Variants in KIT observed in about 807,000 individuals in gnomAD.
KIT encodes mast/stem cell growth factor receptor Kit.
A neutral mutation model predicts 105.7 loss-of-function variants in KIT; 16 were observed. That is an observed-to-expected ratio of 0.15 (90% CI 0.10 to 0.23). KIT has a LOEUF of 0.23. Ranked by LOEUF, KIT falls within the 10% of genes least tolerant of loss-of-function variation. The pLI, the probability that KIT is intolerant of heterozygous loss-of-function variation, is 1.00. For missense variants in KIT, 858 were observed against 1,213.8 expected (o/e 0.71, Z 4.36); for synonymous variants, 438 against 441.1 (o/e 0.99, Z 0.09).
At chr4:54,686,463 A>G (rs568186858) in intron 1 of KIT, among the ~76,000 whole-genome samples, 1 of 152,332 alleles carries the variant, frequency 6.6e-6, no homozygotes, top group East Asian at 1.9e-4. Flanking sequence ...TCAGGCCTGG[A>G]CATGGGAATA....
intron 7 of KIT, among the ~76,000 whole-genome samples, chr4:54,715,067 A>G (rs1004411090): frequency 2.0e-5 from 3 of 152,238 alleles, no homozygotes; most frequent in Admixed American, 6.5e-5. Context: ...AAATCACTGC[A>G]TCATATAATT....
rs2109811068 is a variant in KIT, at chr4:54,736,525, C to T, written c.2512C>T (p.Pro838Ser). 6.2e-7 allele frequency: 1 copy of T among 1,613,962 alleles called. No individual in the cohort carries two copies. Among genetic ancestry groups the T allele is most frequent in the Non-Finnish European group, 8.5e-7 (1 of 1,179,870 alleles). Residue 838 changes from proline to serine, a missense_variant, in exon 18 of 21, where the codon CCT (proline) becomes TCT (serine). Pro to Ser is a moderately conservative substitution (Grantham distance 74). This residue lies in a region of KIT where 63 missense variants were observed against 137.4 expected (regional missense o/e 0.46). Coordinates refer to ENST00000288135, the MANE Select transcript of KIT (RefSeq NM_000222.3). ...NARLPVKWMA[P>S]ESIFNCVYTF... ...TCGACTACCTGTGAAGTGGATGGCA[C>T]CTGAAAGCATTTTCAACTGTGTATA...
Position 54,699,738 on chromosome 4 carries a change from A to T in KIT, c.728A>T (p.Tyr243Phe), listed in dbSNP as rs1577958787. ...ATAAAAGATGTGTCTAGTTCTGTGT[A>T]CTCAACGTGGAAAAGAGAAAACAGT... ...CTIKDVSSSV[Y>F]STWKRENSQT... is the part of the protein sequence containing the mutation. Residue 243 changes from tyrosine (Y) to phenylalanine (F), a missense_variant, in exon 4 of 21, where the codon TAC becomes TTC. Physicochemically the swap from Tyr to Phe is conservative, Grantham distance 22. This residue lies in a region of KIT where 401 missense variants were observed against 601.0 expected (regional missense o/e 0.67). Coordinates refer to ENST00000288135, the MANE Select transcript of KIT (RefSeq NM_000222.3). The T allele has an allele frequency of 1.2e-6, 2 of 1,613,924 alleles. No homozygotes were observed. Among genetic ancestry groups the T allele is most frequent in the Non-Finnish European group, 1.7e-6 (2 of 1,179,872 alleles).
In KIT at chr4:54,737,226, A is replaced by G. The variant is rs1461649004; in HGVS notation, c.2748A>G (p.Thr916=). ...CWDADPLKRP[T]FKQIVQLIEK... ...ATGCAGATCCCCTAAAAAGACCAAC[A>G]TTCAAGCAAATTGTTCAGCTAATTG... Residue 916 remains threonine (T), a synonymous_variant, in exon 20 of 21, where the codon ACA becomes ACG. Transcript: ENST00000288135. 5 of 1,614,028 alleles carry G rather than the reference A, an allele frequency of 3.1e-6. No homozygotes were observed. Among genetic ancestry groups the G allele is most frequent in the East Asian group, 2.2e-5 (1 of 44,870 alleles).
In KIT at chr4:54,657,999, C is replaced by T. The variant is rs1577898391; in HGVS notation, c.-16C>T. On this transcript the variant is annotated 5_prime_UTR_variant, in exon 1 of 21. Coordinates refer to ENST00000288135, the MANE Select transcript of KIT (RefSeq NM_000222.3). ...GGAACGTGGACCAGAGCTCGGATCCCATCGCAGCTACCGCGATGAGAGGCG... is the reference window on the plus strand; with the variant it reads ...GGAACGTGGACCAGAGCTCGGATCCTATCGCAGCTACCGCGATGAGAGGCG... The T allele has an allele frequency of 6.2e-7, 1 of 1,613,048 alleles. No homozygotes were observed. Among genetic ancestry groups the T allele is most frequent in the Non-Finnish European group, 8.5e-7 (1 of 1,179,218 alleles).
intron 1 of KIT, among the ~76,000 whole-genome samples, chr4:54,667,828 T>C (rs1717813806): frequency 6.6e-6 from 1 of 152,218 alleles, no homozygotes; most frequent in Non-Finnish European, 1.5e-5. Flanking sequence ...CACTTTTGCA[T>C]GTATTACCTG....
At position 54,678,292 on chromosome 4, in the gene KIT, CCTTCCTTCCTT is replaced by C. The variant is rs1259510172; in HGVS notation, c.68-17218_68-17208del. Among the ~76,000 whole-genome samples the C allele has an allele frequency of 2.3e-4, 6 of 26,086 alleles. No homozygotes were observed. The East Asian group carries it at 5.2e-3, about 23-fold the overall frequency. The allele number at this position is 26,086 out of a possible 152,430, so 17.1% of individuals were successfully genotyped here. A position where few individuals can be genotyped will look rare whatever the true frequency, so the allele number is the denominator to read the frequency against. On this transcript the variant is annotated intron_variant, in intron 1 of 20. Transcript: ENST00000288135. ...CAATGCATTCCATGGCTGGCTCGCTCCTTCCTTCCTTCCTTCCTTCCTTCCTTCCTTCCTTC... is the reference window on the plus strand; with the variant it reads ...CAATGCATTCCATGGCTGGCTCGCTCCCTTCCTTCCTTCCTTCCTTCCTTC...
At chr4:54,691,332 A>G (rs1191812478) in intron 1 of KIT, among the ~76,000 whole-genome samples, 3 of 152,192 alleles carry the variant, frequency 2.0e-5, no homozygotes, top group African/African-American at 7.2e-5. Context: ...GACACAGTTG[A>G]ACATCAGTAC....
At chr4:54,725,139 C>G (rs940536342) in intron 8 of KIT, among the ~76,000 whole-genome samples, 1 of 152,134 alleles carries the variant, frequency 6.6e-6, no homozygotes, top group Non-Finnish European at 1.5e-5. Flanking sequence ...GAGTCTCACT[C>G]TCTTGCCCAG....
chr4:54,692,815 A>G (rs1719805320), intron 1 of KIT, among the ~76,000 whole-genome samples: 1 of 152,138 alleles, frequency 6.6e-6, no homozygotes, highest in African/African-American at 2.4e-5. Context: ...GTTGCTGCCT[A>G]ATAATATTTA....
In KIT at chr4:54,695,069, A is replaced by G. The variant is rs184134286; in HGVS notation, c.68-443A>G. 3.2e-4 allele frequency among the ~76,000 whole-genome samples: 49 copies of G among 152,358 alleles called. 1 individual carries two copies. Among genetic ancestry groups the G allele is most frequent in the Admixed American group, 2.9e-3 (44 of 15,314 alleles). ...ATTCACACAGTTTTAAGGAAAAGCT[A>G]TTCTATGTCATGGTCATGTATATTC... On this transcript the variant is annotated intron_variant, in intron 1 of 20. Transcript: ENST00000288135.
At chr4:54,678,093 A>G (rs942997893) in intron 1 of KIT, among the ~76,000 whole-genome samples, 1 of 152,226 alleles carries the variant, frequency 6.6e-6, no homozygotes, top group Non-Finnish European at 1.5e-5. Context: ...GAATGTAATA[A>G]AACACAGTAA....
In KIT at chr4:54,727,813, C is replaced by A. The variant is rs1577995739; in HGVS notation, c.1775-10C>A. 1 of 1,609,568 alleles carries A rather than the reference C, an allele frequency of 6.2e-7. No individual in the cohort carries two copies. ...CATCACCACTTACCTTGTTGTCTTC[C>A]TTCCTACAGGGAAAACCCTGGGTGC... On this transcript the variant is annotated splice_polypyrimidine_tract_variant and intron_variant, in intron 11 of 20. Coordinates refer to ENST00000288135, the MANE Select transcript of KIT (RefSeq NM_000222.3).
At chr4:54,725,082 T>G (rs992366261) in intron 8 of KIT, among the ~76,000 whole-genome samples, 1 of 152,118 alleles carries the variant, frequency 6.6e-6, no homozygotes, top group South Asian at 2.1e-4. Context: ...TTTGACTATT[T>G]TCTGGTCTAC....
chr4:54,676,325 G>C (rs1011616047), intron 1 of KIT, among the ~76,000 whole-genome samples: 1 of 152,164 alleles, frequency 6.6e-6, no homozygotes, highest in Non-Finnish European at 1.5e-5. Context: ...TCTGCTGCAG[G>C]CGAAAGTTTG....
At position 54,692,003 on chromosome 4, in the gene KIT, A is replaced by G. The variant is rs545106285; in HGVS notation, c.68-3509A>G. On this transcript the variant is annotated intron_variant, in intron 1 of 20. Transcript: ENST00000288135. ...ATTTGGAAGGCCAATAAGAAGTTCC[A>G]TTTCTGGAATAAGTGTGCCTAACAT... is the stretch of plus-strand genomic sequence containing the variant. Among the ~76,000 whole-genome samples the G allele has an allele frequency of 7.2e-5, 11 of 152,314 alleles. No homozygotes were observed. The South Asian group carries it at 2.3e-3, about 32-fold the overall frequency.
chr4:54,737,709 T>G (rs1723007701), intron 20 of KIT, among the ~76,000 whole-genome samples: 1 of 152,164 alleles, frequency 6.6e-6, no homozygotes, highest in African/African-American at 2.4e-5. Context: ...AGCCTTCTGA[T>G]CAAACAAGCA....
At chr4:54,723,462 A>T in intron 7 of KIT, 122 bp from the exon 8 acceptor site, 1 of 720,522 alleles carries the variant, frequency 1.4e-6, no homozygotes, top group Non-Finnish European at 2.5e-6. Flanking sequence ...CTGCCCTTTG[A>T]ACTTGCTCCC....
chr4:54,666,275 GTTTT>G (rs942672141), intron 1 of KIT, among the ~76,000 whole-genome samples: 3 of 151,736 alleles, frequency 2.0e-5, no homozygotes, highest in African/African-American at 7.3e-5. Context: ...TTTGTTTTTT[GTTTT>G]TTTTGTTTTG....
Sources: gnomAD v4.1 joint callset for allele counts (sites outside exome capture counted in the v4.1 genomes callset) on GRCh38, gnomAD v4.1.1 for gene constraint, gnomAD v4.1.1 regional missense constraint, MANE v1.5 for transcripts, NCBI Gene and HGNC (gene_info 2026-07-23, HGNC 2026-07-21) for gene names.